CCDC171: variants seen among roughly 807,000 people sequenced by gnomAD.
CCDC171 encodes the protein coiled-coil domain-containing protein 171.
CCDC171 carries 177 observed loss-of-function variants against 168.2 expected under a neutral mutation model. That is an observed-to-expected ratio of 1.05 (90% CI 0.93 to 1.19). The LOEUF is 1.19. CCDC171 is among the 50% of genes most tolerant of loss of function. The pLI, the probability that CCDC171 is intolerant of heterozygous loss-of-function variation, is 0.00. For missense variants in CCDC171, 1,991 were observed against 1,539.0 expected, an observed-to-expected ratio of 1.29 and a Z score of -4.91; for synonymous variants, 687 against 540.8, an observed-to-expected ratio of 1.27 and a Z score of -3.75.
At chr9:15,637,766 A>G (rs372011110) in intron 7 of CCDC171, among the ~76,000 whole-genome samples, 11 of 151,726 alleles carry the variant, frequency 7.2e-5, no homozygotes, top group African/African-American at 2.7e-4. Context: ...GATGATTTCC[A>G]ATTTCATCCA....
chr9:15,678,770 G>A lies in CCDC171; in HGVS notation c.1089G>A (p.Glu363=). ...SFAKLNLLEK[E]YFSKNKKLNE... ...TTTAACTTTTCAGATTAGAAAAAGA[G>A]TATTTCTCCAAAAATAAGAAACTAA... Residue 363 remains glutamate (E), a synonymous_variant, in exon 10 of 26, where the codon GAG becomes GAA. Transcript: ENST00000380701. The A allele has an allele frequency of 6.3e-7, 1 of 1,584,758 alleles. No homozygotes were observed. The highest frequency in any genetic ancestry group is 1.2e-5 in the South Asian group (1 of 84,440).
chr9:16,092,421 C>T, the CCDC171 span, among the ~76,000 whole-genome samples: 3 of 152,132 alleles, frequency 2.0e-5, no homozygotes, highest in Admixed American at 6.5e-5. Flanking sequence ...TGCTGAGATG[C>T]GCTGGTCTGC....
intron 10 of CCDC171, among the ~76,000 whole-genome samples, chr9:15,688,070 G>A (rs2050529051): frequency 6.7e-6 from 1 of 148,576 alleles, no homozygotes; most frequent in South Asian, 2.1e-4. Context: ...GGTGAGCTGA[G>A]ATGGCGCCAT....
chr9:15,600,129 T>A (rs1195645700), intron 6 of CCDC171, among the ~76,000 whole-genome samples: 1 of 152,224 alleles, frequency 6.6e-6, no homozygotes, highest in Non-Finnish European at 1.5e-5. Context: ...GAAGCCTTCT[T>A]CTCTCAACTC....
At chr9:15,814,401 G>T (rs1277575757) in intron 21 of CCDC171, among the ~76,000 whole-genome samples, 3 of 152,102 alleles carry the variant, frequency 2.0e-5, no homozygotes, top group African/African-American at 7.2e-5. Context: ...AGTAAATTAG[G>T]CTCTTATAAA....
rs555877787 is a variant in CCDC171, at chr9:15,897,863, G to A, written c.3601-22407G>A. Among the ~76,000 whole-genome samples, 121 of 152,262 alleles carry A rather than the reference G, an allele frequency of 7.9e-4. 1 individual carries two copies. Among genetic ancestry groups the A allele is most frequent in the Admixed American group, 1.0e-3 (16 of 15,278 alleles). ...AGTCCAAATCAAACCAGGAAACTTG[G>A]AACACATTGAGTGAACATGGGCTTT... On this transcript the variant is annotated intron_variant, in intron 24 of 25. Coordinates refer to ENST00000380701, the MANE Select transcript of CCDC171 (RefSeq NM_173550.4).
intron 3 of CCDC171, among the ~76,000 whole-genome samples, chr9:15,995,992 A>G (rs947056871): frequency 6.6e-6 from 1 of 152,144 alleles, no homozygotes; most frequent in African/African-American, 2.4e-5. Flanking sequence ...CCAGTAGTTT[A>G]TTCTTCTGTT....
intron 25 of CCDC171, among the ~76,000 whole-genome samples, chr9:15,954,981 C>T (rs1829638956): frequency 6.6e-6 from 1 of 151,944 alleles, no homozygotes. Flanking sequence ...GCCATAGTTT[C>T]CTGTTTCTCT....
intron 21 of CCDC171, among the ~76,000 whole-genome samples, chr9:15,798,245 C>T (rs1380637404): frequency 5.9e-5 from 9 of 151,950 alleles, no homozygotes; most frequent in Admixed American, 5.2e-4. Context: ...ATTTTTAATG[C>T]TTGTTGGATC....
intron 11 of CCDC171, among the ~76,000 whole-genome samples, chr9:15,709,070 G>T (rs2052462572): frequency 6.6e-6 from 1 of 152,130 alleles, no homozygotes; most frequent in Non-Finnish European, 1.5e-5. Context: ...ACAGAGTGGT[G>T]AAATGATTCA....
At chr9:15,808,915 G>C (rs145802329) in intron 21 of CCDC171, among the ~76,000 whole-genome samples, 1 of 152,244 alleles carries the variant, frequency 6.6e-6, no homozygotes, top group South Asian at 2.1e-4. Flanking sequence ...TAGTAGATTT[G>C]GTGTCTGGTG....
chr9:15,813,178 G>C (rs1327286862), intron 21 of CCDC171, among the ~76,000 whole-genome samples: 1 of 152,176 alleles, frequency 6.6e-6, no homozygotes, highest in Non-Finnish European at 1.5e-5. Flanking sequence ...AATGGAATGT[G>C]AACAAAGTAA....
chr9:15,586,915 C>T (rs1372375737), intron 4 of CCDC171, among the ~76,000 whole-genome samples: 1 of 152,102 alleles, frequency 6.6e-6, no homozygotes, highest in African/African-American at 2.4e-5. Context: ...TTAAGCCATC[C>T]TCCCACCTCA....
intron 2 of CCDC171, among the ~76,000 whole-genome samples, chr9:15,569,618 A>G (rs2040038810): frequency 6.6e-6 from 1 of 151,880 alleles, no homozygotes; most frequent in Admixed American, 6.6e-5. Context: ...GATCGAGACC[A>G]TCCTGGCTAA....
At chr9:15,628,200 G>A (rs575328579) in intron 7 of CCDC171, among the ~76,000 whole-genome samples, 6 of 152,218 alleles carry the variant, frequency 3.9e-5, no homozygotes, top group East Asian at 3.9e-4. Context: ...GCAGCACACC[G>A]TGCACCAGCC....
chr9:15,791,926 T>C (rs1333700564), intron 21 of CCDC171, among the ~76,000 whole-genome samples: 1 of 152,030 alleles, frequency 6.6e-6, no homozygotes, highest in African/African-American at 2.4e-5. Flanking sequence ...CCTCTCCCCC[T>C]CCAGAGGAAC....
chr9:15,553,863 T>C (rs1306461170), intron 1 of CCDC171, among the ~76,000 whole-genome samples: 1 of 152,108 alleles, frequency 6.6e-6, no homozygotes, highest in Non-Finnish European at 1.5e-5. Flanking sequence ...ATGATATTGA[T>C]CCTAAGAAAA....
intron 6 of CCDC171, among the ~76,000 whole-genome samples, chr9:15,597,511 G>A (rs1229455589): frequency 6.6e-6 from 1 of 152,172 alleles, no homozygotes; most frequent in Non-Finnish European, 1.5e-5. Flanking sequence ...GATCATGGTG[G>A]ATAAGCTTTT....
At chr9:15,790,861 C>T (rs1323002409) in intron 21 of CCDC171, among the ~76,000 whole-genome samples, 1 of 152,190 alleles carries the variant, frequency 6.6e-6, no homozygotes, top group Non-Finnish European at 1.5e-5. Context: ...GGAATCCTTT[C>T]CCCATTTCTT....
Sources: allele counts gnomAD v4.1 joint callset (sites outside exome capture counted in the v4.1 genomes callset), GRCh38; gene constraint gnomAD v4.1.1; transcripts MANE v1.5; gene names NCBI Gene and HGNC (gene_info 2026-07-23, HGNC 2026-07-21).